Variants in NLGN1 observed in about 807,000 individuals in gnomAD.
The protein encoded by NLGN1 is neuroligin-1.
Under a neutral mutation model 65.5 loss-of-function variants are expected in NLGN1, and 12 were observed. The ratio of observed to expected loss-of-function variants is 0.18; its 90% confidence interval spans 0.12 to 0.30. NLGN1 has a LOEUF of 0.30. Ranked by LOEUF, NLGN1 falls within the 10% of genes least tolerant of loss-of-function variation. The probability of loss-of-function intolerance (pLI) is 1.00; values close to 1 mark genes in which losing one functional copy is unlikely to be tolerated. For missense variants in NLGN1, 750 were observed against 1,007.1 expected (o/e 0.74, Z 3.46); for synonymous variants, 350 against 359.5 (o/e 0.97, Z 0.30).
At chr3:173,756,768 A>G (rs1487588626) in intron 3 of NLGN1, among the ~76,000 whole-genome samples, 1 of 30,360 alleles carries the variant, frequency 3.3e-5, no homozygotes, top group Non-Finnish European at 2.6e-4. Context: ...GATAAATGTA[A>G]AAAAAAAAAA....
At position 173,517,750 on chromosome 3, in the gene NLGN1, T is replaced by TTATCTATCTATCTATC. The variant is rs368708618; in HGVS notation, c.-321+82709_-321+82724dup. 5.4e-3 allele frequency among the ~76,000 whole-genome samples: 791 copies of TTATCTATCTATCTATC among 147,226 alleles called. 1 individual carries two copies. The highest frequency in any genetic ancestry group is 0.011 in the East Asian group (53 of 4,888). On this transcript the variant is annotated intron_variant, in intron 2 of 6. Coordinates refer to ENST00000457714, the Ensembl canonical transcript of NLGN1. ...TTTTCTGCACTTTGCTTTCGCAAATTTATCTATCTATCTATCTATCTATCT... is the reference window on the plus strand; with the variant it reads ...TTTTCTGCACTTTGCTTTCGCAAATTTATCTATCTATCTATCTATCTATCTATCTATCTATCTATCT...
chr3:174,051,879 AAAGATGTAACAC>A (rs1734964129), intron 4 of NLGN1, among the ~76,000 whole-genome samples: 1 of 152,038 alleles, frequency 6.6e-6, no homozygotes, highest in Non-Finnish European at 1.5e-5. Flanking sequence ...TTGTCTGAAT[AAAGATGTAACAC>A]AATACAATTG....
intron 2 of NLGN1, among the ~76,000 whole-genome samples, chr3:173,600,351 A>G (rs1338077651): frequency 1.3e-5 from 2 of 152,054 alleles, no homozygotes; most frequent in East Asian, 1.9e-4. Flanking sequence ...AAGAGTCACC[A>G]TCAAGCCAGG....
intron 2 of NLGN1, among the ~76,000 whole-genome samples, chr3:173,592,792 T>G (rs545689345): frequency 3.9e-5 from 6 of 152,328 alleles, no homozygotes; most frequent in Admixed American, 3.3e-4. Context: ...TCTCAAAGTG[T>G]AAGGGTAATC....
chr3:173,839,422 G>GT (rs948411177), intron 4 of NLGN1, among the ~76,000 whole-genome samples: 1 of 148,320 alleles, frequency 6.7e-6, no homozygotes. Flanking sequence ...TGTTTGTTTT[G>GT]TTTTTTTGTT....
intron 4 of NLGN1, among the ~76,000 whole-genome samples, chr3:174,019,433 G>A (rs923620966): frequency 8.5e-5 from 13 of 152,142 alleles, no homozygotes; most frequent in Admixed American, 5.2e-4. Context: ...CAGTAAGAAG[G>A]CCCTCACCAG....
intron 2 of NLGN1, among the ~76,000 whole-genome samples, chr3:173,549,702 A>C (rs1316285551): frequency 1.3e-5 from 2 of 152,088 alleles, no homozygotes; most frequent in Non-Finnish European, 2.9e-5. Context: ...TTATATGCTT[A>C]TATTACTGGC....
At chr3:173,493,844 G>T (rs116651915) in intron 2 of NLGN1, among the ~76,000 whole-genome samples, 10,072 of 151,414 alleles carry the variant, frequency 0.067, 472 homozygotes, top group Non-Finnish European at 0.074. Flanking sequence ...TATATATAGA[G>T]AGAGAGTATT....
At chr3:173,870,714 C>T (rs1731010358) in intron 4 of NLGN1, among the ~76,000 whole-genome samples, 1 of 152,142 alleles carries the variant, frequency 6.6e-6, no homozygotes, top group South Asian at 2.1e-4. Context: ...AAAATTAGAA[C>T]ATTCATTGTG....
At chr3:173,951,118 C>T (rs1296355500) in intron 4 of NLGN1, among the ~76,000 whole-genome samples, 1 of 152,006 alleles carries the variant, frequency 6.6e-6, no homozygotes, top group Non-Finnish European at 1.5e-5. Flanking sequence ...CCATCTGCCT[C>T]GGCCTCCCAG....
intron 4 of NLGN1, among the ~76,000 whole-genome samples, chr3:174,191,917 TC>T (rs1206090631): frequency 6.6e-6 from 1 of 152,172 alleles, no homozygotes; most frequent in African/African-American, 2.4e-5. Flanking sequence ...GGTTCCTTAT[TC>T]AATGCTGAAA....
intron 4 of NLGN1, among the ~76,000 whole-genome samples, chr3:173,808,167 CT>C: frequency 6.6e-6 from 1 of 152,042 alleles, no homozygotes; most frequent in Non-Finnish European, 1.5e-5. Context: ...CTAAGTTTCC[CT>C]GAGGTTTGGC....
intron 4 of NLGN1, among the ~76,000 whole-genome samples, chr3:174,191,091 A>G (rs1395771503): frequency 6.6e-6 from 1 of 152,116 alleles, no homozygotes; most frequent in African/African-American, 2.4e-5. Flanking sequence ...GCCTTTCCAT[A>G]GGATAAAAAT....
chr3:173,414,073 A>C (rs191613388), intron 1 of NLGN1, among the ~76,000 whole-genome samples: 165 of 152,244 alleles, frequency 1.1e-3, no homozygotes, highest in African/African-American at 3.7e-3. Flanking sequence ...CTTCATACTT[A>C]CATTGTATTA....
chr3:173,983,678 T>C (rs945562924), intron 4 of NLGN1, among the ~76,000 whole-genome samples: 15 of 152,096 alleles, frequency 9.9e-5, no homozygotes, highest in African/African-American at 3.1e-4. Context: ...TTCCTTTGCC[T>C]GGATCTCTTA....
downstream of NLGN1, among the ~76,000 whole-genome samples, chr3:174,291,138 G>GA (rs536681970): frequency 7.1e-4 from 106 of 150,048 alleles, no homozygotes; most frequent in African/African-American, 9.9e-4. Flanking sequence ...GTAAAAAGTA[G>GA]AAAAAATCTA....
At chr3:173,556,923 A>G (rs1741802554) in intron 2 of NLGN1, among the ~76,000 whole-genome samples, 1 of 152,172 alleles carries the variant, frequency 6.6e-6, no homozygotes, top group East Asian at 1.9e-4. Context: ...ATTATGGTAT[A>G]TCTTGATAAA....
At chr3:173,814,372 A>T (rs1442816368) in intron 4 of NLGN1, among the ~76,000 whole-genome samples, 1 of 152,220 alleles carries the variant, frequency 6.6e-6, no homozygotes, top group Non-Finnish European at 1.5e-5. Flanking sequence ...CTAGATGGTA[A>T]TCAATTTTAG....
At chr3:173,648,017 T>A (rs1201146277) in intron 3 of NLGN1, among the ~76,000 whole-genome samples, 1 of 152,018 alleles carries the variant, frequency 6.6e-6, no homozygotes, top group African/African-American at 2.4e-5. Flanking sequence ...ATAATCAGCC[T>A]TTTTTCTTAA....
Sources: allele counts gnomAD v4.1 joint callset (sites outside exome capture counted in the v4.1 genomes callset), GRCh38; gene constraint gnomAD v4.1.1; transcripts MANE v1.5; gene names NCBI Gene and HGNC (gene_info 2026-07-23, HGNC 2026-07-21).